Variants in CFAP46 observed in about 807,000 individuals in gnomAD.
CFAP46 encodes cilia and flagella associated protein 46.
CFAP46 carries 245 observed loss-of-function variants against 325.7 expected under a neutral mutation model. That is an observed-to-expected ratio of 0.75 (90% CI 0.68 to 0.84). The LOEUF (loss-of-function observed/expected upper bound fraction) is 0.84. Among genes scored for constraint, CFAP46 ranks in the 40% least tolerant of loss-of-function variants. CFAP46 has a pLI of 0.00. For missense variants in CFAP46, 3,346 were observed against 3,543.0 expected, an observed-to-expected ratio of 0.94 and a Z score of 1.41; for synonymous variants, 1,523 against 1,495.9, an observed-to-expected ratio of 1.02 and a Z score of -0.42.
At chr10:132,842,919 C>G (rs1237147824) in intron 44 of CFAP46, among the ~76,000 whole-genome samples, 2 of 152,212 alleles carry the variant, frequency 1.3e-5, no homozygotes, top group Non-Finnish European at 2.9e-5. Context: ...ATGGGCTGAT[C>G]CATTCATGAG....
rs747685310 is a variant in CFAP46, at chr10:132,834,106, A to G, written c.6884T>C (p.Val2295Ala). Residue 2295 changes from valine to alanine, a missense_variant, in exon 49 of 58, where the codon GTT becomes GCT. By Grantham distance (64) the Val-to-Ala change is moderately conservative. Transcript: ENST00000368586. ...CTTCGACTTCCCTGAATCGGCAACA[A>G]CCGCAGGTGTCTGCACTCTGAAAGT... ...LSKARVQTPA[V>A]VADSGKSKGK... 1 of 1,614,078 alleles carries G rather than the reference A, an allele frequency of 6.2e-7. No individual in the cohort carries two copies. Among genetic ancestry groups the G allele is most frequent in the Admixed American group, 1.7e-5 (1 of 60,024 alleles).
In CFAP46 at chr10:132,835,005, T is replaced by A. The variant is rs372353984; in HGVS notation, c.6745-230A>T. Among the ~76,000 whole-genome samples, 18 of 152,274 alleles carry A rather than the reference T, an allele frequency of 1.2e-4. No individual in the cohort carries two copies. The East Asian group carries it at 2.1e-3, about 18-fold the overall frequency. On this transcript the variant is annotated intron_variant, in intron 47 of 57. Transcript: ENST00000368586. ...TCTCCTCTGCCCGCACCACGGAGGG[T>A]CCTGCCTGTGGGGACAGCCGGGCCC...
chr10:132,853,465 T>G (rs1461849623), intron 39 of CFAP46, among the ~76,000 whole-genome samples: 3 of 152,232 alleles, frequency 2.0e-5, no homozygotes, highest in Non-Finnish European at 4.4e-5. Context: ...GGAATGCTGG[T>G]CAGTAGCTTT....
At chr10:132,836,967 G>T (rs1435252234) in intron 44 of CFAP46, 53 bp from the exon 45 acceptor site, 2 of 1,335,800 alleles carry the variant, frequency 1.5e-6, no homozygotes, top group Non-Finnish European at 2.2e-6. Context: ...CAAGGACGTC[G>T]CTGTGCTGTT....
intron 50 of CFAP46, among the ~76,000 whole-genome samples, chr10:132,822,514 A>ATGTGTGCTGACGTGTGC (rs1159439824): frequency 1.5e-5 from 1 of 68,220 alleles, no homozygotes; most frequent in African/African-American, 6.1e-5. Flanking sequence ...CTGTGTGCTG[A>ATGTGTGCTGACGTGTGC]TGTGTGCTGA....
intron 50 of CFAP46, among the ~76,000 whole-genome samples, chr10:132,821,887 GTGATGTGTGTTGTGTGAGTGC>G (rs1456257433): frequency 4.2e-5 from 6 of 142,280 alleles, no homozygotes; most frequent in South Asian, 4.9e-4. Flanking sequence ...TGTGTGTGCA[GTGATGTGTGTTGTGTGAGTGC>G]TGATGTGTGC....
chr10:132,836,587 C>T (rs1016633767), intron 45 of CFAP46, among the ~76,000 whole-genome samples: 8 of 152,228 alleles, frequency 5.3e-5, no homozygotes, highest in African/African-American at 1.7e-4. Context: ...CACAAAGACC[C>T]TGTACTGGAG....
rs1198726640 is a variant in CFAP46, at chr10:132,916,603, G to A, written c.2066C>T (p.Pro689Leu). The change falls in exon 17 of 58, where the codon CCA becomes CTA. Residue 689 changes from proline to leucine, a missense_variant. Pro to Leu is a moderately conservative substitution (Grantham distance 98). Transcript: ENST00000368586. ...AIPPEDLSQH[P>L]AGYVPEPPEV... ...CGGGGGCTCAGGCACGTAGCCAGCTGGGTGCTGGCTCAGGTCTTCGGGGGG... is the reference window on the plus strand; with the variant it reads ...CGGGGGCTCAGGCACGTAGCCAGCTAGGTGCTGGCTCAGGTCTTCGGGGGG... 1.3e-6 allele frequency: 2 copies of A among 1,546,704 alleles called. No homozygotes were observed. The highest frequency in any genetic ancestry group is 8.7e-7 in the Non-Finnish European group (1 of 1,145,090).
intron 13 of CFAP46, 139 bp from the exon 14 acceptor site, chr10:132,920,321 T>C (rs2135596730): frequency 9.0e-7 from 1 of 1,111,166 alleles, no homozygotes; most frequent in South Asian, 1.7e-5. Context: ...GATCCCCGGC[T>C]CCCAGAAGCC....
In CFAP46 at chr10:132,809,852, G is replaced by T. The variant is rs538194447; in HGVS notation, c.7664+557C>A. ...CCCTGTGAGGCCAAGAGAGGGACGG[G>T]CGCTGGATGCCATGTGACAGGCAGG... On this transcript the variant is annotated intron_variant, in intron 57 of 57. Coordinates refer to ENST00000368586, the MANE Select transcript of CFAP46 (RefSeq NM_001200049.3). Among the ~76,000 whole-genome samples, 8 of 152,338 alleles carry T rather than the reference G, an allele frequency of 5.3e-5. No individual in the cohort carries two copies. The East Asian group carries it at 1.5e-3, about 29-fold the overall frequency.
rs1354967036 is a variant in CFAP46, at chr10:132,931,917, T to A, written c.867-2113A>T. On this transcript the variant is annotated intron_variant, in intron 8 of 57. Transcript: ENST00000368586. ...CCACATAGAGCCTGGGCTTTCCTCC[T>A]CCCCACGCAGAGGCTGGGCCTTCCT... Among the ~76,000 whole-genome samples the A allele has an allele frequency of 4.1e-5, 5 of 123,232 alleles. No individual in the cohort carries two copies. The Admixed American group carries it at 4.5e-4, about 11-fold the overall frequency. 80.8% of individuals were successfully genotyped at this position (123,232 alleles called of 152,430 possible). A position where few individuals can be genotyped will look rare whatever the true frequency, so the allele number is the denominator to read the frequency against.
chr10:132,888,981 C>T (rs1414175652), intron 25 of CFAP46, among the ~76,000 whole-genome samples: 5 of 152,218 alleles, frequency 3.3e-5, no homozygotes, highest in Non-Finnish European at 7.3e-5. Context: ...CTCCCGCCTC[C>T]ACCCACCCTC....
At chr10:132,916,384 T>C (rs1049327806) in intron 17 of CFAP46, among the ~76,000 whole-genome samples, 165 bp downstream of exon 17, 1 of 152,206 alleles carries the variant, frequency 6.6e-6, no homozygotes, top group Non-Finnish European at 1.5e-5. Context: ...CCATTTTCTC[T>C]TTCATGGTCT....
In CFAP46 at chr10:132,811,049, G is replaced by T; in HGVS notation, c.7502-18C>A. The stretch of plus-strand genomic sequence containing the variant: ...CTGGCACTCTGCCGGGACGGGAAGG[G>T]CAGCTCAGCAGCCTTGGCCTGACAT... On this transcript the variant is annotated intron_variant, in intron 55 of 57. Transcript: ENST00000368586. The T allele has an allele frequency of 6.4e-7, 1 of 1,563,624 alleles. No individual in the cohort carries two copies. The highest frequency in any genetic ancestry group is 8.7e-7 in the Non-Finnish European group (1 of 1,154,906).
At chr10:132,908,368 C>T (rs1002765411) in intron 22 of CFAP46, 100 bp downstream of exon 22, 1 of 1,409,370 alleles carries the variant, frequency 7.1e-7, no homozygotes, top group Admixed American at 2.0e-5. Context: ...TTTTGGGGAA[C>T]TGGTGGGGCG....
At position 132,821,474 on chromosome 10, in the gene CFAP46, G is replaced by T. The variant is rs867657303; in HGVS notation, c.7118-6560C>A. Among the ~76,000 whole-genome samples, 202 of 134,446 alleles carry T rather than the reference G, an allele frequency of 1.5e-3. 3 individuals carry two copies. The highest frequency in any genetic ancestry group is 4.1e-3 in the African/African-American group (138 of 33,880). 88.2% of individuals were successfully genotyped at this position (134,446 alleles called of 152,430 possible). On this transcript the variant is annotated intron_variant, in intron 50 of 57. Coordinates refer to ENST00000368586, the MANE Select transcript of CFAP46 (RefSeq NM_001200049.3). ...TGTGCTGTGTGTGCTGATGTGTGTTGTGTGTGCTGTGTGAGTGCTGATGTG... is the reference window on the plus strand; with the variant it reads ...TGTGCTGTGTGTGCTGATGTGTGTTTTGTGTGCTGTGTGAGTGCTGATGTG...
At chr10:132,822,466 CTGA>C (rs1289775790) in intron 50 of CFAP46, among the ~76,000 whole-genome samples, 94 of 122,914 alleles carry the variant, frequency 7.6e-4, no homozygotes, top group African/African-American at 2.9e-3. Context: ...TGTGTGAGTG[CTGA>C]TGTGTGCTGT....
At chr10:132,913,672 G>A (rs1849590494) in intron 17 of CFAP46, among the ~76,000 whole-genome samples, 2 of 152,134 alleles carry the variant, frequency 1.3e-5, no homozygotes, top group South Asian at 2.1e-4. Flanking sequence ...ACGGCTGGAT[G>A]GTGTCTAAGT....
Position 132,912,611 on chromosome 10 carries a change from CT to C in CFAP46, c.2499+43del, listed in dbSNP as rs774676170. 1,945 of 428,812 alleles carry C rather than the reference CT, an allele frequency of 4.5e-3. 10 individuals are homozygous for C. Among genetic ancestry groups the C allele is most frequent in the Admixed American group, 0.013 (110 of 8,780 alleles). The allele number at this position is 428,812 out of a possible 1,614,324, so 26.6% of individuals were successfully genotyped here. ...TCTCTCTCTCTCCTCTCTCCTCTCT[CT>C]CTCTCTCTCTCTCTCTCTCTCTCGG... On this transcript the variant is annotated intron_variant, in intron 19 of 57. Transcript: ENST00000368586.
Sources: gnomAD v4.1 joint callset for allele counts (sites outside exome capture counted in the v4.1 genomes callset) on GRCh38, gnomAD v4.1.1 for gene constraint, MANE v1.5 for transcripts, NCBI Gene and HGNC (gene_info 2026-07-23, HGNC 2026-07-21) for gene names.